The following USP34 variants were observed in gnomAD, a reference collection of about 807,000 sequenced individuals.
USP34 encodes the protein ubiquitin carboxyl-terminal hydrolase 34.
USP34 carries 70 observed loss-of-function variants against 460.3 expected under a neutral mutation model. The ratio of observed to expected loss-of-function variants is 0.15; its 90% confidence interval spans 0.13 to 0.19. USP34 has a LOEUF of 0.19. USP34 is among the 10% of genes least tolerant of loss of function. USP34 has a pLI of 1.00. For missense variants in USP34, 3,985 were observed against 4,236.2 expected (o/e 0.94, Z 1.65); for synonymous variants, 1,647 against 1,405.3 (o/e 1.17, Z -3.85).
In USP34 at chr2:61,297,891, T is replaced by C. The variant is rs145186759; in HGVS notation, c.4129-966A>G. The stretch of plus-strand genomic sequence containing the variant: ...ATCTTAGAAAGTTTCAAGGTAAATT[T>C]GGTCTTTCACAAGCTTGATGAACAA... On this transcript the variant is annotated intron_variant, in intron 29 of 79. Transcript: ENST00000398571. Among the ~76,000 whole-genome samples the C allele has an allele frequency of 2.0e-3, 300 of 152,298 alleles. 1 individual carries two copies. Among genetic ancestry groups the C allele is most frequent in the Middle Eastern group, 0.01 (3 of 294 alleles).
At chr2:61,359,854 G>C (rs572441829) in intron 10 of USP34, among the ~76,000 whole-genome samples, 1 of 142,870 alleles carries the variant, frequency 7.0e-6, no homozygotes, top group Non-Finnish European at 1.5e-5. Context: ...GGGTGATCTC[G>C]GCTCACTGCA....
rs373337004 is a variant in USP34 at position 61,281,255 on chromosome 2, G to C, written c.4999-13C>G. 1.4e-5 allele frequency: 23 copies of C among 1,603,808 alleles called. No homozygotes were observed. Among genetic ancestry groups the C allele is most frequent in the Non-Finnish European group, 2.0e-5 (23 of 1,176,176 alleles). ...GACGAACTGCAGTCTAGATGAAAAA[G>C]AAAGTTCCACAAACAGTGAGAGTTA... is the stretch of plus-strand genomic sequence containing the variant. On this transcript the variant is annotated splice_polypyrimidine_tract_variant and intron_variant, in intron 37 of 79. Coordinates refer to ENST00000398571, the MANE Select transcript of USP34 (RefSeq NM_014709.4).
Position 61,280,264 on chromosome 2 carries a change from G to A in USP34, c.5236C>T (p.His1746Tyr). ...WLLCKLVDNI[H>Y]IKDASQTTLL... The stretch of plus-strand genomic sequence containing the variant: ...CATACCTGACTAGCGTCCTTTATAT[G>A]TATGTTGTCAACTAATTTGCATAAC... The change falls in exon 39 of 80, where the codon CAT (histidine) becomes TAT (tyrosine). Residue 1746 changes from histidine to tyrosine, a missense_variant. Transcript: ENST00000398571. 6.4e-7 allele frequency: 1 copy of A among 1,554,892 alleles called. No individual in the cohort carries two copies. The highest frequency in any genetic ancestry group is 1.2e-5 in the South Asian group (1 of 80,024).
chr2:61,235,292 C>T (rs1337445890), intron 57 of USP34, among the ~76,000 whole-genome samples: 1 of 150,220 alleles, frequency 6.7e-6, no homozygotes, highest in East Asian at 1.9e-4. Context: ...CATAGTTTTC[C>T]TTCTGGTAGA....
chr2:61,328,101 G>A (rs1472320101), intron 20 of USP34, among the ~76,000 whole-genome samples: 5 of 151,926 alleles, frequency 3.3e-5, no homozygotes, highest in South Asian at 2.1e-4. Context: ...TCAAGAGTTC[G>A]AGACCAGCCT....
chr2:61,305,092 G>A (rs867170791), intron 27 of USP34, among the ~76,000 whole-genome samples: 8 of 152,136 alleles, frequency 5.3e-5, no homozygotes, highest in African/African-American at 1.4e-4. Context: ...TTGGGAGGCC[G>A]AGGTGGGCCG....
intron 34 of USP34, among the ~76,000 whole-genome samples, chr2:61,285,269 G>A (rs1368703206): frequency 2.0e-5 from 3 of 151,998 alleles, no homozygotes; most frequent in Non-Finnish European, 2.9e-5. Context: ...TGGGTGGATT[G>A]CTTGAGCCCA....
intron 23 of USP34, among the ~76,000 whole-genome samples, chr2:61,316,085 A>G (rs1030146932): frequency 6.6e-6 from 1 of 151,722 alleles, no homozygotes; most frequent in Non-Finnish European, 1.5e-5. Context: ...ATGCGCCTAT[A>G]ATCCCAGCTA....
intron 1 of USP34, among the ~76,000 whole-genome samples, chr2:61,443,833 A>C (rs1695036685): frequency 6.6e-6 from 1 of 152,198 alleles, no homozygotes; most frequent in Admixed American, 6.5e-5. Context: ...GTTAACGTAG[A>C]TTCACCAAGT....
chr2:61,214,565 T>C lies in USP34; in HGVS notation c.8177A>G (p.Gln2726Arg), dbSNP rs751242011. 1 of 1,613,682 alleles carries C rather than the reference T, an allele frequency of 6.2e-7. No individual in the cohort carries two copies. Among genetic ancestry groups the C allele is most frequent in the South Asian group, 1.1e-5 (1 of 90,952 alleles). Residue 2726 changes from glutamine to arginine, a missense_variant, in exon 68 of 80, where the codon CAG (glutamine) becomes CGG (arginine). Physicochemically the swap from Gln to Arg is conservative, Grantham distance 43 (BLOSUM62 1). Coordinates refer to ENST00000398571, the MANE Select transcript of USP34 (RefSeq NM_014709.4). Reference protein sequence around the residue: ...LSPDTTVVLHQVYNVLLGLLS... With the variant: ...LSPDTTVVLHRVYNVLLGLLS... ...CAAACCAAGGAGCACGTTGTAGACC[T>C]GATGTAGGACTACTGTTGTGTCTGG...
At chr2:61,254,981 G>A (rs1021645351) in intron 48 of USP34, among the ~76,000 whole-genome samples, 10 of 152,142 alleles carry the variant, frequency 6.6e-5, no homozygotes, top group African/African-American at 2.4e-4. Context: ...GAACAGCTGA[G>A]ACTGTAAGTG....
At chr2:61,440,244 A>G (rs919528490) in intron 1 of USP34, among the ~76,000 whole-genome samples, 1 of 152,006 alleles carries the variant, frequency 6.6e-6, no homozygotes, top group Admixed American at 6.6e-5. Flanking sequence ...GCCATCCCAC[A>G]CCTCAATTTC....
intron 27 of USP34, among the ~76,000 whole-genome samples, chr2:61,302,219 A>C (rs1690250625): frequency 6.6e-6 from 1 of 152,232 alleles, no homozygotes; most frequent in South Asian, 2.1e-4. Context: ...GCTAAACTTC[A>C]TTCAATATAG....
At chr2:61,245,537 TAAA>T (rs900237832) in intron 50 of USP34, among the ~76,000 whole-genome samples, 7 of 151,666 alleles carry the variant, frequency 4.6e-5, no homozygotes, top group African/African-American at 1.7e-4. Flanking sequence ...ATAAAAGAAA[TAAA>T]AAAGTTTGCT....
rs546990234 is a variant in USP34 at position 61,450,026 on chromosome 2, A to T, written c.43+20624T>A. Among the ~76,000 whole-genome samples, 255 of 152,316 alleles carry T rather than the reference A, an allele frequency of 1.7e-3. 1 individual carries two copies. The highest frequency in any genetic ancestry group is 5.9e-3 in the African/African-American group (244 of 41,582). On this transcript the variant is annotated intron_variant, in intron 1 of 79. Transcript: ENST00000398571. The stretch of plus-strand genomic sequence containing the variant: ...GCCTGCAGTGAACAAAGTTCATGCC[A>T]CTGCACTCCAGCCTGGGCAACAAAC...
At position 61,260,742 on chromosome 2, in the gene USP34, A is replaced by T. The variant is rs1688854591; in HGVS notation, c.5779-966T>A. Among the ~76,000 whole-genome samples, 3 of 152,296 alleles carry T rather than the reference A, an allele frequency of 2.0e-5. No homozygotes were observed. In the South Asian group the frequency reaches 6.2e-4, roughly 32 times the overall value. On this transcript the variant is annotated intron_variant, in intron 43 of 79. Coordinates refer to ENST00000398571, the MANE Select transcript of USP34 (RefSeq NM_014709.4). ...GGCTTAATATTCCATATTACGAAAA[A>T]AGTCACACAAAATGAAATTTTCCAA...
rs1558456534 is a variant in USP34, at chr2:61,190,288, T to G, written c.9856A>C (p.Ser3286Arg). Residue 3286 changes from serine to arginine, a missense_variant, in exon 78 of 80, where the codon AGT (serine) becomes CGT (arginine). By Grantham distance (110) the Ser-to-Arg change is moderately radical. Transcript: ENST00000398571. Reference sequence around the variant, plus strand: ...GTTCTTACCCCATTTAAAGAAGCACTTGCTTTGGAAATTTCAACTCGGTTG... The same window carrying G: ...GTTCTTACCCCATTTAAAGAAGCACGTGCTTTGGAAATTTCAACTCGGTTG... ...FSNRVEISKA[S>R]ASLNGDLRAL... The G allele has an allele frequency of 5.0e-6, 8 of 1,612,582 alleles. No individual in the cohort carries two copies. The highest frequency in any genetic ancestry group is 6.8e-6 in the Non-Finnish European group (8 of 1,179,596).
chr2:61,444,518 C>T (rs1299724217), intron 1 of USP34, among the ~76,000 whole-genome samples: 3 of 152,088 alleles, frequency 2.0e-5, no homozygotes, highest in Non-Finnish European at 2.9e-5. Flanking sequence ...AAAATAATGG[C>T]TAAGTACTTC....
chr2:61,348,960 T>C (rs1691855137), intron 13 of USP34, 74 bp from the exon 14 acceptor site: 1 of 1,475,774 alleles, frequency 6.8e-7, no homozygotes, highest in Non-Finnish European at 9.0e-7. Context: ...CATTATCATT[T>C]GATTCCTTGA....
Sources: allele counts gnomAD v4.1 joint callset (sites outside exome capture counted in the v4.1 genomes callset), GRCh38; gene constraint gnomAD v4.1.1; transcripts MANE v1.5; gene names NCBI Gene and HGNC (gene_info 2026-07-23, HGNC 2026-07-21).